GPC6: variants seen among roughly 807,000 people sequenced by gnomAD.
GPC6 encodes the protein glypican 6.
A neutral mutation model predicts 55.2 loss-of-function variants in GPC6; 14 were observed. The ratio of observed to expected loss-of-function variants is 0.25; its 90% CI spans 0.17 to 0.40. The LOEUF (loss-of-function observed/expected upper bound fraction) is 0.40. Ranked by LOEUF, GPC6 falls within the 10% of genes least tolerant of loss-of-function variation. The probability of loss-of-function intolerance (pLI) is 1.00; values close to 1 mark genes in which losing one functional copy is unlikely to be tolerated. For synonymous variants in GPC6, 278 were observed against 259.6 expected, an observed-to-expected ratio of 1.07 and a Z score of -0.68; for missense variants, 641 against 708.5, an observed-to-expected ratio of 0.90 and a Z score of 1.08.
At chr13:93,806,189 G>A (rs1886537472) in intron 2 of GPC6, among the ~76,000 whole-genome samples, 1 of 152,132 alleles carries the variant, frequency 6.6e-6, no homozygotes, top group African/African-American at 2.4e-5. Context: ...ATGGAGGAGA[G>A]GTTCTTAAGC....
intron 3 of GPC6, among the ~76,000 whole-genome samples, chr13:93,959,061 C>G (rs1879642107): frequency 6.6e-6 from 1 of 152,044 alleles, no homozygotes; most frequent in Admixed American, 6.5e-5. Context: ...TTTATCAGTT[C>G]TAGTAGCCTT....
At chr13:93,900,287 G>A (rs1362212956) in intron 3 of GPC6, among the ~76,000 whole-genome samples, 1 of 152,070 alleles carries the variant, frequency 6.6e-6, no homozygotes, top group Non-Finnish European at 1.5e-5. Context: ...CATAAAAAAA[G>A]CCAAACATTC....
At chr13:94,092,369 A>G (rs1885521018) in intron 4 of GPC6, among the ~76,000 whole-genome samples, 1 of 152,092 alleles carries the variant, frequency 6.6e-6, no homozygotes, top group Non-Finnish European at 1.5e-5. Context: ...AGATTCCCAT[A>G]TAAGTGAGAT....
At chr13:93,973,797 G>C (rs979619092) in intron 3 of GPC6, among the ~76,000 whole-genome samples, 1 of 152,144 alleles carries the variant, frequency 6.6e-6, no homozygotes, top group Non-Finnish European at 1.5e-5. Context: ...AACTACAGAT[G>C]CATGTTTTAC....
At chr13:93,231,366 T>TATATATAC (rs1876022072) in intron 1 of GPC6, among the ~76,000 whole-genome samples, 1 of 17,204 alleles carries the variant, frequency 5.8e-5, no homozygotes, top group African/African-American at 3.3e-4. Flanking sequence ...TATACGTATA[T>TATATATAC]ATATATATAT....
intron 2 of GPC6, among the ~76,000 whole-genome samples, chr13:93,633,383 C>T (rs1027528608): frequency 1.3e-5 from 2 of 152,116 alleles, no homozygotes; most frequent in African/African-American, 4.8e-5. Context: ...CAGTGGCTCA[C>T]GCTTGTAATC....
intron 1 of GPC6, among the ~76,000 whole-genome samples, chr13:93,253,742 T>C (rs975518011): frequency 1.3e-5 from 2 of 152,228 alleles, no homozygotes; most frequent in Non-Finnish European, 2.9e-5. Flanking sequence ...ATGAACCTCC[T>C]GAGAAATGTC....
intron 4 of GPC6, among the ~76,000 whole-genome samples, chr13:94,276,937 C>G (rs1892231893): frequency 6.6e-6 from 1 of 152,018 alleles, no homozygotes; most frequent in Admixed American, 6.6e-5. Flanking sequence ...TGACATATTC[C>G]TTTGTGTATA....
At chr13:93,660,687 T>C (rs1008457388) in intron 2 of GPC6, among the ~76,000 whole-genome samples, 2 of 152,198 alleles carry the variant, frequency 1.3e-5, no homozygotes, top group Non-Finnish European at 2.9e-5. Flanking sequence ...GAGTTGTCTC[T>C]AGATTTGGGC....
intron 1 of GPC6, among the ~76,000 whole-genome samples, chr13:93,400,097 T>C (rs1430088825): frequency 2.6e-5 from 4 of 152,128 alleles, no homozygotes; most frequent in Admixed American, 2.6e-4. Flanking sequence ...GGTCTTAAAG[T>C]GGTTGACGGG....
At chr13:93,817,109 G>A (rs981858237) in intron 2 of GPC6, among the ~76,000 whole-genome samples, 5 of 152,090 alleles carry the variant, frequency 3.3e-5, no homozygotes, top group African/African-American at 9.7e-5. Flanking sequence ...AAGGCTGCCT[G>A]GATTTGGAAT....
At chr13:94,197,662 T>G (rs1013982405) in intron 4 of GPC6, among the ~76,000 whole-genome samples, 9 of 152,290 alleles carry the variant, frequency 5.9e-5, no homozygotes, top group South Asian at 4.1e-4. Flanking sequence ...TACAGTCAGA[T>G]TGAGGATTAG....
intron 1 of GPC6, among the ~76,000 whole-genome samples, chr13:93,364,826 G>A (rs553150021): frequency 3.3e-5 from 5 of 151,658 alleles, no homozygotes; most frequent in Admixed American, 2.6e-4. Flanking sequence ...CATGCATCAA[G>A]GTGTATTGAC....
chr13:93,966,515 G>A (rs577766050), intron 3 of GPC6, among the ~76,000 whole-genome samples: 49 of 152,240 alleles, frequency 3.2e-4, no homozygotes, highest in African/African-American at 1.1e-3. Context: ...GGTGGACCAA[G>A]AGCTAACAAA....
intron 3 of GPC6, among the ~76,000 whole-genome samples, chr13:93,939,738 C>G (rs1047623545): frequency 6.6e-6 from 1 of 152,126 alleles, no homozygotes; most frequent in African/African-American, 2.4e-5. Flanking sequence ...GCATGAGCCA[C>G]TGCACCTAAC....
chr13:93,784,484 G>A (rs1885761880), intron 2 of GPC6, among the ~76,000 whole-genome samples: 1 of 152,076 alleles, frequency 6.6e-6, no homozygotes, highest in Admixed American at 6.6e-5. Context: ...TCAAAAACAT[G>A]GATTTTACAC....
Position 93,884,007 on chromosome 13 carries a change from G to A in GPC6, c.711+53462G>A, listed in dbSNP as rs1025410608. ...TATAAAATCTGTAACAAAAGACACC[G>A]AAGTTTTTTGTCAGCTTGAAGTATT... On this transcript the variant is annotated intron_variant, in intron 3 of 8. Transcript: ENST00000377047. 1.8e-4 allele frequency among the ~76,000 whole-genome samples: 27 copies of A among 152,138 alleles called. 1 individual carries two copies. The highest frequency in any genetic ancestry group is 7.9e-4 in the Admixed American group (12 of 15,268).
At chr13:94,379,519 A>G (rs1470383210) in intron 6 of GPC6, among the ~76,000 whole-genome samples, 1 of 152,014 alleles carries the variant, frequency 6.6e-6, no homozygotes, top group East Asian at 1.9e-4. Flanking sequence ...GCCAAATACA[A>G]CCCCACAGTT....
Position 93,362,242 on chromosome 13 carries a change from C to G in GPC6, c.160+134626C>G, listed in dbSNP as rs1412350126. On this transcript the variant is annotated intron_variant, in intron 1 of 8. Coordinates refer to ENST00000377047, the MANE Select transcript of GPC6 (RefSeq NM_005708.5). ...ATCAGATTGTCTCTGCCCAGTTCTT[C>G]CTGGAGAGAATTTCTCAGTTGCCCT... Among the ~76,000 whole-genome samples, 5 of 152,182 alleles carry G rather than the reference C, an allele frequency of 3.3e-5. No individual in the cohort carries two copies. In the South Asian group the frequency reaches 8.3e-4, roughly 25 times the overall value.
Sources: allele counts gnomAD v4.1 joint callset (sites outside exome capture counted in the v4.1 genomes callset), GRCh38; gene constraint gnomAD v4.1.1; transcripts MANE v1.5; gene names NCBI Gene and HGNC (gene_info 2026-07-23, HGNC 2026-07-21).